Variants in LRMDA observed in about 807,000 individuals in gnomAD.
LRMDA encodes leucine-rich melanocyte differentiation-associated protein.
LRMDA carries 18 observed loss-of-function variants against 29.8 expected under a neutral mutation model. The observed-to-expected ratio is 0.60, with a 90% CI of 0.42 to 0.90. The LOEUF is 0.90. LRMDA is among the 40% of genes least tolerant of loss of function. LRMDA has a pLI of 0.00. For synonymous variants in LRMDA, 125 were observed against 109.4 expected, an observed-to-expected ratio of 1.14 and a Z score of -0.89; for missense variants, 273 against 273.9, an observed-to-expected ratio of 1.00 and a Z score of 0.02.
Position 75,836,017 on chromosome 10 carries a change from G to C in LRMDA, c.132-199991G>C, listed in dbSNP as rs142770553. Among the ~76,000 whole-genome samples the C allele has an allele frequency of 2.4e-4, 37 of 152,278 alleles. No homozygotes were observed. In the East Asian group the frequency reaches 6.4e-3, roughly 26 times the overall value. On this transcript the variant is annotated intron_variant, in intron 2 of 6. Coordinates refer to ENST00000611255, the MANE Select transcript of LRMDA (RefSeq NM_001305581.2). ...TTATCAAGCACAGTTTCTCTTAGAA[G>C]GCACTTGCACTGAATAAGAAAAAAA... is the stretch of plus-strand genomic sequence containing the variant.
intron 2 of LRMDA, among the ~76,000 whole-genome samples, chr10:75,444,040 A>T (rs921446031): frequency 1.3e-5 from 2 of 152,224 alleles, no homozygotes; most frequent in African/African-American, 4.8e-5. Flanking sequence ...CATTCATAAA[A>T]GAGATAGTTC....
At chr10:75,783,245 C>T (rs1036693222) in intron 2 of LRMDA, among the ~76,000 whole-genome samples, 3 of 152,034 alleles carry the variant, frequency 2.0e-5, no homozygotes, top group East Asian at 1.9e-4. Flanking sequence ...GGTGTGTCCT[C>T]GATCACATAG....
intron 5 of LRMDA, among the ~76,000 whole-genome samples, chr10:76,123,731 A>G (rs1849830263): frequency 6.6e-6 from 1 of 152,232 alleles, no homozygotes; most frequent in Non-Finnish European, 1.5e-5. Context: ...GTGAGGCAGC[A>G]TTCTGCAGCA....
chr10:75,562,269 C>T (rs1409964071), intron 2 of LRMDA, among the ~76,000 whole-genome samples: 1 of 152,024 alleles, frequency 6.6e-6, no homozygotes, highest in Non-Finnish European at 1.5e-5. Context: ...TGAATTGATC[C>T]CTTTACCATT....
chr10:76,445,052 C>T (rs1842341125), intron 6 of LRMDA, among the ~76,000 whole-genome samples: 1 of 152,042 alleles, frequency 6.6e-6, no homozygotes, highest in Non-Finnish European at 1.5e-5. Flanking sequence ...GTGCAAAGCA[C>T]TGTGGGGAAT....
At chr10:75,697,476 G>A (rs1297276030) in intron 2 of LRMDA, among the ~76,000 whole-genome samples, 2 of 151,848 alleles carry the variant, frequency 1.3e-5, no homozygotes, top group Admixed American at 1.3e-4. Flanking sequence ...TTTAGACCAG[G>A]GTAGACCTTC....
At chr10:75,707,663 G>A (rs1340916769) in intron 2 of LRMDA, among the ~76,000 whole-genome samples, 1 of 152,176 alleles carries the variant, frequency 6.6e-6, no homozygotes, top group Non-Finnish European at 1.5e-5. Flanking sequence ...GGGGAGGATG[G>A]TTTTCTACCA....
chr10:76,216,697 C>T (rs534464660), intron 5 of LRMDA, among the ~76,000 whole-genome samples: 1 of 152,298 alleles, frequency 6.6e-6, no homozygotes, highest in East Asian at 1.9e-4. Flanking sequence ...TGCTATGTTG[C>T]TGATGAGAGT....
At chr10:76,048,973 A>G (rs1296071326) in intron 4 of LRMDA, among the ~76,000 whole-genome samples, 1 of 152,062 alleles carries the variant, frequency 6.6e-6, no homozygotes, top group African/African-American at 2.4e-5. Flanking sequence ...CTCAGGAACT[A>G]GGAACTTATA....
intron 6 of LRMDA, among the ~76,000 whole-genome samples, chr10:76,537,002 C>T (rs11001813): frequency 0.4 from 60,795 of 152,014 alleles, 13,071 homozygotes; most frequent in African/African-American, 0.51. Flanking sequence ...TCCCTTGCAT[C>T]TATTTGTATT....
chr10:76,198,245 A>C (rs1404378901), intron 5 of LRMDA, among the ~76,000 whole-genome samples: 1 of 152,198 alleles, frequency 6.6e-6, no homozygotes, highest in Non-Finnish European at 1.5e-5. Context: ...CCTAGAAACC[A>C]CCTGGAGATT....
rs1396743021 is a variant in LRMDA at position 76,150,614 on chromosome 10, C to T, written c.516+91831C>T. 2.0e-5 allele frequency among the ~76,000 whole-genome samples: 3 copies of T among 152,314 alleles called. No individual in the cohort carries two copies. In the East Asian group the frequency reaches 5.8e-4, roughly 29 times the overall value. ...AGCGGATGTTTGTGTGTGTGGCTTT[C>T]TGCAGCTTCTCTCTGGATACAGCCT... On this transcript the variant is annotated intron_variant, in intron 5 of 6. Coordinates refer to ENST00000611255, the MANE Select transcript of LRMDA (RefSeq NM_001305581.2).
chr10:75,907,068 G>T (rs981133984), intron 2 of LRMDA, among the ~76,000 whole-genome samples: 1 of 152,218 alleles, frequency 6.6e-6, no homozygotes, highest in African/African-American at 2.4e-5. Context: ...GGACGTAGGA[G>T]TTTCTAATGT....
chr10:75,937,382 A>G (rs1846314060), intron 2 of LRMDA, among the ~76,000 whole-genome samples: 1 of 152,198 alleles, frequency 6.6e-6, no homozygotes, highest in Non-Finnish European at 1.5e-5. Flanking sequence ...GTTGTATCAC[A>G]ATTCCTCTTG....
intron 6 of LRMDA, among the ~76,000 whole-genome samples, chr10:76,399,848 G>A (rs975727081): frequency 3.9e-5 from 6 of 152,028 alleles, no homozygotes; most frequent in Admixed American, 2.6e-4. Context: ...CTTTTTCATT[G>A]AGTCTAATCA....
intron 2 of LRMDA, among the ~76,000 whole-genome samples, chr10:75,474,879 G>A (rs1287602791): frequency 2.6e-5 from 4 of 152,134 alleles, no homozygotes; most frequent in Admixed American, 6.6e-5. Flanking sequence ...CATTTCCTAC[G>A]GGAAATTGTC....
intron 2 of LRMDA, among the ~76,000 whole-genome samples, chr10:75,803,227 T>G (rs1843788448): frequency 6.6e-6 from 1 of 152,260 alleles, no homozygotes; most frequent in Middle Eastern, 3.4e-3. Flanking sequence ...TACCAAACCT[T>G]TCCAAGGCTT....
intron 6 of LRMDA, among the ~76,000 whole-genome samples, chr10:76,343,653 C>T (rs191727079): frequency 1.3e-5 from 2 of 152,188 alleles, no homozygotes; most frequent in South Asian, 2.1e-4. Context: ...CAACATCAAA[C>T]TTAGAGGCGT....
At chr10:76,257,625 C>T (rs957041988) in intron 5 of LRMDA, among the ~76,000 whole-genome samples, 1 of 152,100 alleles carries the variant, frequency 6.6e-6, no homozygotes, top group South Asian at 2.1e-4. Flanking sequence ...TGAGCCACGG[C>T]ACCTGGCCAG....
Sources: gnomAD v4.1 joint callset for allele counts (sites outside exome capture counted in the v4.1 genomes callset) on GRCh38, gnomAD v4.1.1 for gene constraint, MANE v1.5 for transcripts, NCBI Gene and HGNC (gene_info 2026-07-23, HGNC 2026-07-21) for gene names.